The following MYO16 variants were observed in gnomAD, a reference collection of about 807,000 sequenced individuals.
MYO16 encodes myosin XVI, also known as unconventional myosin-XVI.
A neutral mutation model predicts 205.3 loss-of-function variants in MYO16; 94 were observed. The ratio of observed to expected loss-of-function variants is 0.46; its 90% confidence interval spans 0.39 to 0.54. The LOEUF is 0.54. MYO16 is among the 20% of genes least tolerant of loss of function. MYO16 has a pLI of 0.00. For missense variants in MYO16, 2,315 were observed against 2,387.5 expected, an observed-to-expected ratio of 0.97 and a Z score of 0.63; for synonymous variants, 988 against 954.0, an observed-to-expected ratio of 1.04 and a Z score of -0.66.
chr13:109,073,469 G>GA (rs1030628985), intron 27 of MYO16, among the ~76,000 whole-genome samples: 5 of 151,906 alleles, frequency 3.3e-5, no homozygotes, highest in South Asian at 2.1e-4. Context: ...AAAGCATGAA[G>GA]AAAAAATGAA....
At chr13:109,108,903 G>C (rs1281267431) in intron 28 of MYO16, among the ~76,000 whole-genome samples, 2 of 152,194 alleles carry the variant, frequency 1.3e-5, no homozygotes, top group Non-Finnish European at 2.9e-5. Flanking sequence ...AGGAGAGTAG[G>C]AGGGCTGGGG....
intron 6 of MYO16, among the ~76,000 whole-genome samples, chr13:108,796,693 C>T (rs1231670220): frequency 2.7e-5 from 4 of 148,582 alleles, no homozygotes; most frequent in African/African-American, 9.9e-5. Flanking sequence ...CACATGTTCT[C>T]ACTCATAGGT....
chr13:108,856,052 C>T (rs1399342510), intron 11 of MYO16, among the ~76,000 whole-genome samples: 1 of 152,212 alleles, frequency 6.6e-6, no homozygotes, highest in Non-Finnish European at 1.5e-5. Context: ...ACACAGATTC[C>T]TGATAGTAGA....
intron 1 of MYO16, among the ~76,000 whole-genome samples, chr13:108,648,536 T>G (rs1880857051): frequency 6.6e-6 from 1 of 152,004 alleles, no homozygotes; most frequent in Non-Finnish European, 1.5e-5. Flanking sequence ...ATATGAAGCT[T>G]TCTGATATCA....
At chr13:109,182,774 A>T (rs1312143154) in intron 34 of MYO16, among the ~76,000 whole-genome samples, 2 of 152,254 alleles carry the variant, frequency 1.3e-5, no homozygotes, top group African/African-American at 4.8e-5. Flanking sequence ...TGTAAAAAAA[A>T]TATAGAAAAT....
chr13:108,591,554 T>C (rs914473595), upstream of MYO16, among the ~76,000 whole-genome samples: 2 of 152,190 alleles, frequency 1.3e-5, no homozygotes, highest in Non-Finnish European at 2.9e-5. Flanking sequence ...TTACAGTCAA[T>C]GGCTTTTCAT....
intron 16 of MYO16, among the ~76,000 whole-genome samples, chr13:108,947,024 T>C (rs117865387): frequency 0.032 from 4,913 of 152,354 alleles, 127 homozygotes; most frequent in Non-Finnish European, 0.048. Context: ...GTTCACACCA[T>C]ACTTTATCAG....
chr13:108,664,976 C>G (rs1447716574), intron 1 of MYO16, among the ~76,000 whole-genome samples: 1 of 152,138 alleles, frequency 6.6e-6, no homozygotes, highest in Non-Finnish European at 1.5e-5. Context: ...TGTGCCAACC[C>G]TCAGTCTTTA....
At chr13:108,717,634 A>G (rs1566568608) in intron 3 of MYO16, among the ~76,000 whole-genome samples, 1 of 151,222 alleles carries the variant, frequency 6.6e-6, no homozygotes, top group Non-Finnish European at 1.5e-5. Context: ...CATCTCAAAA[A>G]AAAAAAAAAA....
intron 4 of MYO16, among the ~76,000 whole-genome samples, chr13:108,755,013 A>G (rs893733233): frequency 3.3e-5 from 5 of 152,180 alleles, no homozygotes; most frequent in Non-Finnish European, 7.3e-5. Context: ...AAAGTTATAA[A>G]AAGTATAAAG....
intron 1 of MYO16, among the ~76,000 whole-genome samples, chr13:108,638,871 C>T (rs540792689): frequency 6.6e-6 from 1 of 152,036 alleles, no homozygotes; most frequent in Non-Finnish European, 1.5e-5. Context: ...GGAGCTGGGG[C>T]AAGCTCATCA....
chr13:108,974,259 T>C (rs1884169862), intron 20 of MYO16, among the ~76,000 whole-genome samples: 1 of 152,190 alleles, frequency 6.6e-6, no homozygotes, highest in Non-Finnish European at 1.5e-5. Flanking sequence ...TGATAGAATT[T>C]TCTATGATTT....
chr13:109,145,334 T>A (rs34603532), intron 32 of MYO16, among the ~76,000 whole-genome samples: 1 of 151,212 alleles, frequency 6.6e-6, no homozygotes, highest in Non-Finnish European at 1.5e-5. Flanking sequence ...TAGCTACCTA[T>A]GCAATGCTGC....
the MYO16 span, among the ~76,000 whole-genome samples, chr13:108,554,661 A>T: frequency 6.6e-6 from 1 of 152,094 alleles, no homozygotes; most frequent in Admixed American, 6.6e-5. Flanking sequence ...CATCCTGGCT[A>T]ACACGGTGAA....
chr13:108,634,840 ACCT>A (rs1366152620), intron 1 of MYO16, among the ~76,000 whole-genome samples: 2 of 151,912 alleles, frequency 1.3e-5, no homozygotes, highest in Non-Finnish European at 2.9e-5. Context: ...TCTTTTGACA[ACCT>A]CATCCATTCT....
chr13:108,688,697 G>A (rs1023796521), intron 2 of MYO16, among the ~76,000 whole-genome samples: 3 of 152,078 alleles, frequency 2.0e-5, no homozygotes, highest in Admixed American at 1.3e-4. Context: ...CTTTTCTCCT[G>A]AACTTTTTAT....
intron 1 of MYO16, among the ~76,000 whole-genome samples, chr13:108,657,047 G>A (rs1327960270): frequency 6.6e-6 from 1 of 152,182 alleles, no homozygotes; most frequent in African/African-American, 2.4e-5. Flanking sequence ...GAAGCTTCCA[G>A]GCCTCCTATG....
intron 10 of MYO16, among the ~76,000 whole-genome samples, chr13:108,848,199 G>A (rs1243208793): frequency 1.3e-5 from 2 of 152,114 alleles, no homozygotes; most frequent in African/African-American, 4.8e-5. Flanking sequence ...GTGACTGACT[G>A]GAATTGCATA....
At chr13:108,655,097 CG>C (rs1363864580) in intron 1 of MYO16, among the ~76,000 whole-genome samples, 1 of 151,688 alleles carries the variant, frequency 6.6e-6, no homozygotes. Flanking sequence ...AACAAGCAGC[CG>C]AATGTTAATC....
Sources: gnomAD v4.1 joint callset for allele counts (sites outside exome capture counted in the v4.1 genomes callset) on GRCh38, gnomAD v4.1.1 for gene constraint, MANE v1.5 for transcripts, NCBI Gene and HGNC (gene_info 2026-07-23, HGNC 2026-07-21) for gene names.